APIP: variants seen among roughly 807,000 people sequenced by gnomAD.
APIP encodes the protein methylthioribulose-1-phosphate dehydratase.
In APIP, 32 loss-of-function variants were observed where a neutral mutation model predicts 32.0. The observed-to-expected ratio is 1.00, with a 90% CI of 0.76 to 1.34. APIP has a LOEUF of 1.34. Among genes scored for constraint, APIP ranks in the 40% most tolerant of loss-of-function variants. The pLI is 0.00. For synonymous variants in APIP, 92 were observed against 94.8 expected, an observed-to-expected ratio of 0.97 and a Z score of 0.17; for missense variants, 247 against 298.6, an observed-to-expected ratio of 0.83 and a Z score of 1.27.
intron 1 of APIP, among the ~76,000 whole-genome samples, chr11:34,906,255 T>G (rs913318747): frequency 1.3e-5 from 2 of 152,200 alleles, no homozygotes; most frequent in African/African-American, 4.8e-5. Flanking sequence ...CCTGACTTAT[T>G]ATTTTTAAAT....
chr11:34,914,865 G>A (rs575452353), intron 1 of APIP, among the ~76,000 whole-genome samples: 12 of 152,140 alleles, frequency 7.9e-5, no homozygotes, highest in Admixed American at 3.9e-4. Flanking sequence ...TTAACTGGGT[G>A]TGGTGACATG....
rs78095482 is a variant in APIP at position 34,911,852 on chromosome 11, T to A, written c.57+4376A>T. Among the ~76,000 whole-genome samples, 1,131 of 152,252 alleles carry A rather than the reference T, an allele frequency of 7.4e-3. 17 individuals are homozygous for A. The highest frequency in any genetic ancestry group is 0.026 in the African/African-American group (1,085 of 41,530). On this transcript the variant is annotated intron_variant, in intron 1 of 6. Coordinates refer to ENST00000395787, the MANE Select transcript of APIP (RefSeq NM_015957.4). ...CTCCCTCTATACTTGCAAAATACTT[T>A]GTCATCCCCTAATGGAACTTCATCC...
chr11:34,883,462 A>G lies in APIP; in HGVS notation c.504T>C (p.Pro168=). The G allele has an allele frequency of 6.2e-7, 1 of 1,614,010 alleles. No individual in the cohort carries two copies. Residue 168 remains proline (P), a synonymous_variant, in exon 6 of 7, where the codon CCT becomes CCC. Transcript: ENST00000395787. ...TTCTATCTTTGAGGTCTTTCTCCTC[A>G]GGTGTATTCTCAATAATGGGTACCA... ...MLVVPIIENT[P]EEKDLKDRMA...
At chr11:34,905,846 G>A (rs989174174) in intron 1 of APIP, among the ~76,000 whole-genome samples, 2 of 152,124 alleles carry the variant, frequency 1.3e-5, no homozygotes, top group African/African-American at 2.4e-5. Context: ...GTTGTATCAT[G>A]TTTGCTAATA....
chr11:34,899,057 C>T (rs754018825), intron 1 of APIP, among the ~76,000 whole-genome samples: 49 of 151,778 alleles, frequency 3.2e-4, no homozygotes, highest in Non-Finnish European at 5.3e-4. Context: ...CCTCGGCCTC[C>T]CAAAGTGCTG....
intron 1 of APIP, among the ~76,000 whole-genome samples, chr11:34,902,053 T>C (rs2133917336): frequency 6.6e-6 from 1 of 152,334 alleles, no homozygotes; most frequent in South Asian, 2.1e-4. Flanking sequence ...AATGAAGCTG[T>C]AGTTCCAATG....
At chr11:34,915,333 G>C (rs1853654096) in intron 1 of APIP, among the ~76,000 whole-genome samples, 1 of 152,146 alleles carries the variant, frequency 6.6e-6, no homozygotes, top group African/African-American at 2.4e-5. Context: ...CTAATTTGGG[G>C]AAGTCACTTA....
chr11:34,886,965 C>G (rs1488093121), intron 5 of APIP, among the ~76,000 whole-genome samples: 1 of 152,114 alleles, frequency 6.6e-6, no homozygotes, highest in African/African-American at 2.4e-5. Context: ...TAAAGCTGTT[C>G]TTTATATAAA....
At chr11:34,899,231 C>T (rs920134210) in intron 1 of APIP, among the ~76,000 whole-genome samples, 2 of 152,310 alleles carry the variant, frequency 1.3e-5, no homozygotes. Flanking sequence ...CTTCATGAGG[C>T]ACATTTTTTT....
chr11:34,910,006 T>C (rs2986419), intron 1 of APIP, among the ~76,000 whole-genome samples: 53,753 of 152,004 alleles, frequency 0.35, 10,122 homozygotes, highest in East Asian at 0.74. Flanking sequence ...TATGAGAGGC[T>C]TGACAAGAGA....
intron 1 of APIP, among the ~76,000 whole-genome samples, chr11:34,911,084 C>A: frequency 6.6e-6 from 1 of 152,066 alleles, no homozygotes. Flanking sequence ...AGTAAGACAC[C>A]AGAATACTTG....
chr11:34,914,068 T>A (rs1853605053), intron 1 of APIP, among the ~76,000 whole-genome samples: 1 of 152,238 alleles, frequency 6.6e-6, no homozygotes, highest in Admixed American at 6.5e-5. Flanking sequence ...TCATTGCATG[T>A]GGTTATGTCT....
At chr11:34,894,189 C>T (rs1853228100) in intron 2 of APIP, among the ~76,000 whole-genome samples, 1 of 152,078 alleles carries the variant, frequency 6.6e-6, no homozygotes. Context: ...CAATTGAATA[C>T]TATTTATCCT....
Position 34,888,949 on chromosome 11 carries a change from T to C in APIP, c.208-80A>G, listed in dbSNP as rs540390639. The C allele has an allele frequency of 4.5e-5, 33 of 740,910 alleles. No homozygotes were observed. In the African/African-American group the frequency reaches 5.6e-4, roughly 12 times the overall value. The allele number at this position is 740,910 out of a possible 1,614,324, so 45.9% of individuals were successfully genotyped here. On this transcript the variant is annotated intron_variant, in intron 3 of 6. Transcript: ENST00000395787. ...AAATGTTCCTTTTCTTGTGTACATA[T>C]ACATAAGAATACAAGAAAGTTTATC...
At chr11:34,911,562 G>A (rs1853551085) in intron 1 of APIP, among the ~76,000 whole-genome samples, 2 of 152,300 alleles carry the variant, frequency 1.3e-5, no homozygotes, top group East Asian at 1.9e-4. Context: ...TCTACGCAAT[G>A]CTTAGAAAGA....
In APIP at chr11:34,888,826, C is replaced by A; in HGVS notation, c.251G>T (p.Ser84Ile). The change falls in exon 4 of 7, where the codon AGT becomes ATT. Residue 84 changes from serine to isoleucine, a missense_variant. Coordinates refer to ENST00000395787, the MANE Select transcript of APIP (RefSeq NM_015957.4). The stretch of plus-strand genomic sequence containing the variant: ...TAGCTTCTTCGATGGCGAAGGTCCA[C>A]TTATGTCCTTTTCATTTATATCACA... The part of the protein sequence containing the change: ...FVCDINEKDI[S>I]GPSPSKKLKK... The A allele has an allele frequency of 1.3e-6, 2 of 1,510,598 alleles. No homozygotes were observed. The highest frequency in any genetic ancestry group is 2.9e-5 in the African/African-American group (2 of 68,064). The allele number at this position is 1,510,598 out of a possible 1,614,324, so 93.6% of individuals were successfully genotyped here.
chr11:34,913,212 T>C (rs1853585999), intron 1 of APIP, among the ~76,000 whole-genome samples: 1 of 152,244 alleles, frequency 6.6e-6, no homozygotes, highest in African/African-American at 2.4e-5. Flanking sequence ...GTCATCCTGC[T>C]GATTATCTCA....
At chr11:34,895,612 C>G (rs990500859) in intron 1 of APIP, among the ~76,000 whole-genome samples, 1 of 152,066 alleles carries the variant, frequency 6.6e-6, no homozygotes, top group African/African-American at 2.4e-5. Context: ...ATTTTAGTTT[C>G]TCTTATTGAA....
chr11:34,898,694 C>G (rs1276826569), intron 1 of APIP, among the ~76,000 whole-genome samples: 1 of 151,216 alleles, frequency 6.6e-6, no homozygotes, highest in African/African-American at 2.4e-5. Flanking sequence ...CCAGAGTGAG[C>G]GTCTCTCTCT....
Sources: allele counts gnomAD v4.1 joint callset (sites outside exome capture counted in the v4.1 genomes callset), GRCh38; gene constraint gnomAD v4.1.1; transcripts MANE v1.5; gene names NCBI Gene and HGNC (gene_info 2026-07-23, HGNC 2026-07-21).